RALGAPA1: variants seen among roughly 807,000 people sequenced by gnomAD.
RALGAPA1 encodes the protein Ral GTPase activating protein catalytic subunit alpha 1.
RALGAPA1 carries 52 observed loss-of-function variants against 269.6 expected under a neutral mutation model. That is an observed-to-expected ratio of 0.19 (90% CI 0.15 to 0.24). The LOEUF (loss-of-function observed/expected upper bound fraction) is 0.24. Among genes scored for constraint, RALGAPA1 ranks in the 10% least tolerant of loss-of-function variants. RALGAPA1 has a pLI of 1.00. For missense variants in RALGAPA1, 1,917 were observed against 3,013.9 expected, an observed-to-expected ratio of 0.64 and a Z score of 8.52; for synonymous variants, 817 against 1,008.3, an observed-to-expected ratio of 0.81 and a Z score of 3.60.
intron 7 of RALGAPA1, chr14:35,756,527 T>A (rs2073194004): frequency 5.0e-6 from 1 of 199,972 alleles, no homozygotes; most frequent in Non-Finnish European, 1.0e-5. Context: ...AAGAGTCTAT[T>A]TTTACTCCAA....
chr14:35,559,671 T>C (rs186378830), intron 39 of RALGAPA1, among the ~76,000 whole-genome samples: 1 of 152,308 alleles, frequency 6.6e-6, no homozygotes, highest in East Asian at 1.9e-4. Flanking sequence ...ATGTGGACCA[T>C]ACTGTTACAC....
intron 35 of RALGAPA1, among the ~76,000 whole-genome samples, chr14:35,608,931 AT>A: frequency 6.6e-6 from 1 of 152,350 alleles, no homozygotes; most frequent in East Asian, 1.9e-4. Flanking sequence ...AGGATAGACC[AT>A]AAAACAAGCC....
Position 35,659,159 on chromosome 14 carries a change from T to C in RALGAPA1, c.5366A>G (p.Asp1789Gly). The change falls in exon 28 of 42, where the codon GAT (aspartate) becomes GGT (glycine). Residue 1789 changes from aspartate to glycine, a missense_variant. Physicochemically the swap from Asp to Gly is moderately conservative, Grantham distance 94 (BLOSUM62 -1). Coordinates refer to ENST00000680220, the MANE Select transcript of RALGAPA1 (RefSeq NM_001346249.2). ...CTACCGTGCAGGACCAGAGGGCTCA[T>C]CTCTTGCCGAGCTTAATACAGTTTT... The part of the protein sequence containing the change: ...IIKTVLSSAR[D>G]EPSGPARCVA... 6.2e-7 allele frequency: 1 copy of C among 1,611,366 alleles called. No individual in the cohort carries two copies. Among genetic ancestry groups the C allele is most frequent in the South Asian group, 1.1e-5 (1 of 90,778 alleles).
intron 16 of RALGAPA1, 119 bp from the exon 17 acceptor site, chr14:35,700,421 T>C (rs1215543871): frequency 2.0e-4 from 103 of 504,812 alleles, no homozygotes; most frequent in Non-Finnish European, 2.9e-4. Context: ...GGAAGGAAAT[T>C]ATAAATTAAA....
Position 35,654,419 on chromosome 14 carries a change from T to A in RALGAPA1, c.5555A>T (p.Tyr1852Phe). Residue 1852 changes from tyrosine to phenylalanine, a missense_variant, in exon 30 of 42, where the codon TAT becomes TTT. By Grantham distance (22) the Tyr-to-Phe change is conservative (BLOSUM62 3). Transcript: ENST00000680220. Reference sequence around the variant, plus strand: ...CTGGTAAATCTGAAGTCTAGGTACATAATGAACCAGCATGTGAAGCATGTT... The same window carrying A: ...CTGGTAAATCTGAAGTCTAGGTACAAAATGAACCAGCATGTGAAGCATGTT... Reference protein sequence around the residue: ...ACNMLHMLVHYVPRLQIYQPD... With the variant: ...ACNMLHMLVHFVPRLQIYQPD... 6.2e-7 allele frequency: 1 copy of A among 1,607,604 alleles called. No individual in the cohort carries two copies. Among genetic ancestry groups the A allele is most frequent in the Admixed American group, 1.7e-5 (1 of 59,118 alleles).
chr14:35,745,798 C>G (rs1002437191), intron 10 of RALGAPA1, among the ~76,000 whole-genome samples: 1 of 137,700 alleles, frequency 7.3e-6, no homozygotes, highest in African/African-American at 2.8e-5. Flanking sequence ...GGCAGAAAAT[C>G]CTAGGGCCAG....
At chr14:35,588,610 G>A (rs545239476) in intron 37 of RALGAPA1, among the ~76,000 whole-genome samples, 7 of 152,192 alleles carry the variant, frequency 4.6e-5, no homozygotes, top group African/African-American at 1.4e-4. Flanking sequence ...AAAATGTAAC[G>A]GCAAGGATGT....
At chr14:35,715,632 G>A in intron 16 of RALGAPA1, 1 of 674,882 alleles carries the variant, frequency 1.5e-6, no homozygotes. Context: ...GGAATTTCTG[G>A]AGGCCTAACT....
At chr14:35,790,034 C>T (rs114462771) in intron 1 of RALGAPA1, among the ~76,000 whole-genome samples, 1 of 151,882 alleles carries the variant, frequency 6.6e-6, no homozygotes, top group South Asian at 2.1e-4. Flanking sequence ...AGGTGGATCT[C>T]TTGAAGCCGG....
chr14:35,555,829 T>A (rs1030173359), intron 39 of RALGAPA1, among the ~76,000 whole-genome samples: 1 of 152,218 alleles, frequency 6.6e-6, no homozygotes, highest in African/African-American at 2.4e-5. Flanking sequence ...ATGCTCTCTC[T>A]ACATCCAATC....
intron 35 of RALGAPA1, among the ~76,000 whole-genome samples, chr14:35,610,477 T>C (rs2059863407): frequency 6.6e-6 from 1 of 151,886 alleles, no homozygotes; most frequent in African/African-American, 2.4e-5. Context: ...ACAGATGGGG[T>C]TTCACCGTGT....
intron 10 of RALGAPA1, among the ~76,000 whole-genome samples, chr14:35,747,928 A>G (rs974744142): frequency 2.0e-5 from 3 of 151,350 alleles, no homozygotes; most frequent in African/African-American, 7.3e-5. Context: ...CTTAAGAAAT[A>G]TCTGTCTTAA....
intron 12 of RALGAPA1, among the ~76,000 whole-genome samples, chr14:35,737,759 C>CA (rs60152249): frequency 0.038 from 668 of 17,410 alleles, 121 homozygotes; most frequent in Non-Finnish European, 0.047. Context: ...AAATCCATCT[C>CA]AAAAAAAAAA....
intron 27 of RALGAPA1, among the ~76,000 whole-genome samples, chr14:35,662,809 A>G (rs1393086813): frequency 2.6e-5 from 4 of 152,324 alleles, no homozygotes; most frequent in Non-Finnish European, 5.9e-5. Flanking sequence ...ACAAAACAAA[A>G]AAAGCCATAG....
chr14:35,674,163 T>G lies in RALGAPA1; in HGVS notation c.4917+17A>C. ...AAATGAGAAGTTTTAAACTAATATT[T>G]TATATATTAAGCTTACCTTAAAAAG... On this transcript the variant is annotated intron_variant, in intron 24 of 41. Transcript: ENST00000680220. The G allele has an allele frequency of 1.3e-6, 2 of 1,546,732 alleles. No homozygotes were observed. Among genetic ancestry groups the G allele is most frequent in the Non-Finnish European group, 1.8e-6 (2 of 1,129,452 alleles).
chr14:35,553,667 T>A (rs893366352), intron 39 of RALGAPA1, among the ~76,000 whole-genome samples: 23 of 152,168 alleles, frequency 1.5e-4, no homozygotes, highest in African/African-American at 5.3e-4. Context: ...TGTATGCGTA[T>A]ACATATGTTA....
Position 35,738,593 on chromosome 14 carries a change from A to G in RALGAPA1, c.1507T>C (p.Ser503Pro), listed in dbSNP as rs1595379646. The change falls in exon 12 of 42, where the codon TCC (serine) becomes CCC (proline). Residue 503 changes from serine to proline, a missense_variant. Ser to Pro is a moderately conservative substitution (Grantham distance 74). Coordinates refer to ENST00000680220, the MANE Select transcript of RALGAPA1 (RefSeq NM_001346249.2). ...VRNSSWAKNGSYQGALHNASE... is the reference protein window; with the variant it reads ...VRNSSWAKNGPYQGALHNASE... ...GCGTTATGAAGAGCACCTTGGTAGG[A>G]GCCGTTTTTTGCCCAACTGGAATTT... 6.2e-7 allele frequency: 1 copy of G among 1,613,522 alleles called. No individual in the cohort carries two copies.
chr14:35,686,018 T>C (rs1162453927), intron 19 of RALGAPA1, among the ~76,000 whole-genome samples: 1 of 152,106 alleles, frequency 6.6e-6, no homozygotes, highest in African/African-American at 2.4e-5. Flanking sequence ...TTAAGTCTCT[T>C]CCAAAGTTAT....
chr14:35,572,344 C>G (rs1293653782), intron 38 of RALGAPA1, among the ~76,000 whole-genome samples: 4 of 152,148 alleles, frequency 2.6e-5, no homozygotes, highest in African/African-American at 9.7e-5. Context: ...TAGCCAAATC[C>G]TCCATTTAAA....
Sources: allele counts gnomAD v4.1 joint callset (sites outside exome capture counted in the v4.1 genomes callset), GRCh38; gene constraint gnomAD v4.1.1; transcripts MANE v1.5; gene names NCBI Gene and HGNC (gene_info 2026-07-23, HGNC 2026-07-21).